The following DCAKD variants were observed in gnomAD, a reference collection of about 807,000 sequenced individuals.
The protein encoded by DCAKD is dephospho-CoA kinase domain containing.
In DCAKD, 15 loss-of-function variants were observed where a neutral mutation model predicts 18.7. That is an observed-to-expected ratio of 0.80 (90% CI 0.54 to 1.24). The LOEUF (loss-of-function observed/expected upper bound fraction) is 1.24, where lower values mean the gene tolerates loss of function less well. Ranked by LOEUF, DCAKD falls within the 50% of genes most tolerant of loss-of-function variation. The pLI is 0.00. For synonymous variants in DCAKD, 130 were observed against 133.0 expected, an observed-to-expected ratio of 0.98 and a Z score of 0.16; for missense variants, 301 against 322.0, an observed-to-expected ratio of 0.93 and a Z score of 0.50.
chr17:45,034,622 A>G, intron 2 of DCAKD, 152 bp downstream of exon 2: 1 of 944,874 alleles, frequency 1.1e-6, no homozygotes, highest in Middle Eastern at 3.3e-4. Flanking sequence ...AGAAGAGCAG[A>G]GAAGGCAAGC....
At chr17:45,056,386 G>A (rs1206400424), upstream of DCAKD, among the ~76,000 whole-genome samples, 1 of 152,136 alleles carries the variant, frequency 6.6e-6, no homozygotes, top group Admixed American at 6.6e-5. Flanking sequence ...CAGAGGTTAA[G>A]TGACTTGCCT....
upstream of DCAKD, among the ~76,000 whole-genome samples, chr17:45,053,486 A>G (rs1218380861): frequency 6.6e-6 from 1 of 151,996 alleles, no homozygotes; most frequent in Non-Finnish European, 1.5e-5. Context: ...CAGTGGCATG[A>G]TCTCGGCTCA....
upstream of DCAKD, among the ~76,000 whole-genome samples, chr17:45,053,304 C>G (rs1329901937): frequency 6.7e-6 from 1 of 150,230 alleles, no homozygotes; most frequent in Non-Finnish European, 1.5e-5. Context: ...ATTGCCCAGG[C>G]TGGGGTGCAG....
At chr17:45,043,323 A>G (rs938790176) in intron 1 of DCAKD, among the ~76,000 whole-genome samples, 2 of 151,894 alleles carry the variant, frequency 1.3e-5, no homozygotes, top group African/African-American at 4.8e-5. Context: ...AGGTGACAAC[A>G]TAGGTCACAG....
intron 1 of DCAKD, among the ~76,000 whole-genome samples, chr17:45,041,325 T>G (rs1362098567): frequency 6.6e-6 from 1 of 151,048 alleles, no homozygotes; most frequent in Non-Finnish European, 1.5e-5. Flanking sequence ...TCTTTTTTTT[T>G]TTTTGAGACG....
intron 1 of DCAKD, among the ~76,000 whole-genome samples, chr17:45,039,337 G>A (rs1035030055): frequency 2.0e-5 from 3 of 152,192 alleles, no homozygotes; most frequent in Non-Finnish European, 2.9e-5. Context: ...TCCAGAATCC[G>A]ATCTGGCTTC....
At chr17:45,032,228 G>C in intron 3 of DCAKD, 1 of 617,142 alleles carries the variant, frequency 1.6e-6, no homozygotes, top group Non-Finnish European at 2.0e-6. Flanking sequence ...AGCACAAAGA[G>C]TCCAGAGGGA....
chr17:45,053,669 C>T (rs1567854121), upstream of DCAKD, among the ~76,000 whole-genome samples: 1 of 152,208 alleles, frequency 6.6e-6, no homozygotes, highest in Non-Finnish European at 1.5e-5. Context: ...ATCCACCCAC[C>T]TCGGCCTCCC....
At chr17:45,047,564 G>GGC (rs1374478335) in intron 1 of DCAKD, among the ~76,000 whole-genome samples, 1 of 144,520 alleles carries the variant, frequency 6.9e-6, no homozygotes, top group African/African-American at 2.6e-5. Context: ...GGAATGCAGT[G>GGC]GCGCGATCTT....
In DCAKD at chr17:45,051,416, G is replaced by C. The variant is rs1008001005; in HGVS notation, c.-170C>G. 2 of 152,106 alleles carry C rather than the reference G, an allele frequency of 1.3e-5. No individual in the cohort carries two copies. Among genetic ancestry groups the C allele is most frequent in the African/African-American group, 4.8e-5 (2 of 41,442 alleles). The allele number at this position is 152,106 out of a possible 1,614,324, so 9.4% of individuals were successfully genotyped here. Reference sequence around the variant, plus strand: ...TACATCGTAACTCAGGCTTTCAAAAGAGGCCCGTACGCCCCACTAGGCCGC... The same window carrying C: ...TACATCGTAACTCAGGCTTTCAAAACAGGCCCGTACGCCCCACTAGGCCGC... On this transcript the variant is annotated 5_prime_UTR_variant, in exon 1 of 5. Transcript: ENST00000651974.
intron 1 of DCAKD, among the ~76,000 whole-genome samples, chr17:45,049,991 G>C (rs772416500): frequency 3.3e-5 from 5 of 150,688 alleles, no homozygotes; most frequent in Non-Finnish European, 5.9e-5. Context: ...CAAAATACTG[G>C]GATTACCAGG....
intron 1 of DCAKD, among the ~76,000 whole-genome samples, chr17:45,040,037 G>A (rs541047821): frequency 6.6e-6 from 1 of 151,856 alleles, no homozygotes; most frequent in African/African-American, 2.4e-5. Context: ...AGGTTGCAGT[G>A]AGCAGAGATC....
intron 4 of DCAKD, chr17:45,026,880 C>T: frequency 6.2e-6 from 6 of 961,918 alleles, no homozygotes; most frequent in South Asian, 4.8e-5. Flanking sequence ...AGGTGCACAT[C>T]CTCCTGAAGG....
At chr17:45,026,879 T>A in intron 4 of DCAKD, 1 of 956,170 alleles carries the variant, frequency 1.0e-6, no homozygotes, top group Non-Finnish European at 1.2e-6. Context: ...TAGGTGCACA[T>A]CCTCCTGAAG....
chr17:45,039,876 T>C (rs1355309999), intron 1 of DCAKD, among the ~76,000 whole-genome samples: 1 of 152,234 alleles, frequency 6.6e-6, no homozygotes, highest in Non-Finnish European at 1.5e-5. Context: ...GCGGATCACT[T>C]GAGGCCAGGA....
intron 1 of DCAKD, among the ~76,000 whole-genome samples, chr17:45,035,445 C>T (rs1019713722): frequency 4.2e-4 from 42 of 100,188 alleles, no homozygotes; most frequent in African/African-American, 1.7e-3. Context: ...CCCACCACTG[C>T]ACTGCAGCCG....
chr17:45,044,312 GC>G (rs1218580738), intron 1 of DCAKD, among the ~76,000 whole-genome samples: 1 of 152,014 alleles, frequency 6.6e-6, no homozygotes, highest in Non-Finnish European at 1.5e-5. Flanking sequence ...TCCCTTCTCT[GC>G]CCAATCGTCC....
intron 1 of DCAKD, among the ~76,000 whole-genome samples, chr17:45,037,416 T>C (rs997874128): frequency 6.6e-6 from 1 of 152,142 alleles, no homozygotes; most frequent in South Asian, 2.1e-4. Flanking sequence ...ACAAACAAAA[T>C]GTCAGCCACT....
At position 45,034,956 on chromosome 17, in the gene DCAKD, G is replaced by T; in HGVS notation, c.-71C>A. 1 of 1,540,540 alleles carries T rather than the reference G, an allele frequency of 6.5e-7. No homozygotes were observed. The highest frequency in any genetic ancestry group is 8.9e-7 in the Non-Finnish European group (1 of 1,122,832). ...ACAGAATCACTGGAGAGCAGGGCAA[G>T]TGTGGCCGATGGGGGCGGTCCACCA... is the stretch of plus-strand genomic sequence containing the variant. On this transcript the variant is annotated 5_prime_UTR_variant, in exon 2 of 5. Transcript: ENST00000651974.
Sources: allele counts gnomAD v4.1 joint callset (sites outside exome capture counted in the v4.1 genomes callset), GRCh38; gene constraint gnomAD v4.1.1; transcripts MANE v1.5; gene names NCBI Gene and HGNC (gene_info 2026-07-23, HGNC 2026-07-21).